Variants in NRXN3 observed in about 807,000 individuals in gnomAD.
NRXN3 encodes neurexin III.
In NRXN3, 32 loss-of-function variants were observed where a neutral mutation model predicts 137.6. The ratio of observed to expected loss-of-function variants is 0.23; its 90% CI spans 0.18 to 0.31. NRXN3 has a LOEUF of 0.31. Among genes scored for constraint, NRXN3 ranks in the 10% least tolerant of loss-of-function variants. The pLI, the probability that NRXN3 is intolerant of heterozygous loss-of-function variation, is 1.00. For missense variants in NRXN3, 1,574 were observed against 2,062.5 expected (o/e 0.76, Z 4.59); for synonymous variants, 798 against 784.5 (o/e 1.02, Z -0.29).
intron 15 of NRXN3, chr14:79,280,207 A>G (rs2081041915): frequency 6.4e-7 from 1 of 1,568,180 alleles, no homozygotes; most frequent in Non-Finnish European, 8.6e-7. Flanking sequence ...TCCTGCTATG[A>G]TGGGCCCTTG....
chr14:78,883,542 T>C (rs534394525), intron 10 of NRXN3, among the ~76,000 whole-genome samples: 61 of 152,330 alleles, frequency 4.0e-4, no homozygotes, highest in African/African-American at 1.4e-3. Flanking sequence ...AGACTGTGTG[T>C]CAGATTACTT....
intron 15 of NRXN3, among the ~76,000 whole-genome samples, chr14:79,243,993 C>G (rs1183855834): frequency 6.6e-6 from 1 of 152,126 alleles, no homozygotes; most frequent in Non-Finnish European, 1.5e-5. Context: ...GGAACATCAC[C>G]AAACAAAGCT....
At chr14:79,369,036 C>G (rs184391449) in intron 15 of NRXN3, among the ~76,000 whole-genome samples, 12 of 152,212 alleles carry the variant, frequency 7.9e-5, no homozygotes, top group African/African-American at 2.9e-4. Flanking sequence ...GTTGGAAAAT[C>G]AATCGTGTGG....
intron 16 of NRXN3, among the ~76,000 whole-genome samples, chr14:79,539,098 C>T (rs1238682449): frequency 6.6e-6 from 1 of 152,166 alleles, no homozygotes; most frequent in Non-Finnish European, 1.5e-5. Flanking sequence ...CTTGCTCTGT[C>T]ACCCAGCCTG....
At chr14:78,672,262 C>A (rs1043374776) in intron 6 of NRXN3, among the ~76,000 whole-genome samples, 5 of 152,150 alleles carry the variant, frequency 3.3e-5, no homozygotes, top group Admixed American at 6.5e-5. Context: ...AGAACTCAAC[C>A]AAATTACTCT....
At chr14:78,824,945 A>G (rs1230445002) in intron 10 of NRXN3, among the ~76,000 whole-genome samples, 1 of 152,150 alleles carries the variant, frequency 6.6e-6, no homozygotes, top group Admixed American at 6.5e-5. Flanking sequence ...TACACCTACT[A>G]TGTACCCATA....
chr14:79,421,407 G>A (rs1360976326), intron 15 of NRXN3, among the ~76,000 whole-genome samples: 1 of 151,934 alleles, frequency 6.6e-6, no homozygotes, highest in African/African-American at 2.4e-5. Context: ...TTTCCTTTAG[G>A]CTCAGACATT....
At chr14:79,620,110 G>C (rs576539927) in intron 16 of NRXN3, among the ~76,000 whole-genome samples, 24 of 152,030 alleles carry the variant, frequency 1.6e-4, no homozygotes, top group African/African-American at 5.5e-4. Flanking sequence ...AAATAGAAGG[G>C]GATAAACCAA....
chr14:79,115,154 C>T lies in NRXN3; in HGVS notation c.3262+127013C>T, dbSNP rs1489090076. Among the ~76,000 whole-genome samples the T allele has an allele frequency of 3.3e-5, 5 of 151,894 alleles. No individual in the cohort carries two copies. In the South Asian group the frequency reaches 6.2e-4, roughly 19 times the overall value. On this transcript the variant is annotated intron_variant, in intron 15 of 20. Coordinates refer to ENST00000335750, the MANE Select transcript of NRXN3 (RefSeq NM_001330195.2). Reference sequence around the variant, plus strand: ...CAGCCTGACCAACATGGAGAAACCCCGTCTCTACTAAAAATACAAAATTAG... The same window carrying T: ...CAGCCTGACCAACATGGAGAAACCCTGTCTCTACTAAAAATACAAAATTAG...
intron 4 of NRXN3, among the ~76,000 whole-genome samples, chr14:78,340,307 T>C (rs186558921): frequency 2.6e-5 from 4 of 152,298 alleles, no homozygotes; most frequent in African/African-American, 4.8e-5. Context: ...TATGTTTCCT[T>C]TACCAGGTGT....
chr14:79,790,472 A>AT (rs562264768), intron 19 of NRXN3, among the ~76,000 whole-genome samples: 2 of 150,900 alleles, frequency 1.3e-5, no homozygotes, highest in South Asian at 2.1e-4. Flanking sequence ...CTAATGTTTA[A>AT]TTTTTTTTTA....
chr14:79,332,090 G>C (rs1226846611), intron 15 of NRXN3, among the ~76,000 whole-genome samples: 1 of 152,152 alleles, frequency 6.6e-6, no homozygotes, highest in African/African-American at 2.4e-5. Context: ...ACACCACATG[G>C]GTGGGCATGT....
chr14:78,983,265 A>G (rs566914428), intron 14 of NRXN3, among the ~76,000 whole-genome samples: 1 of 152,232 alleles, frequency 6.6e-6, no homozygotes, highest in Non-Finnish European at 1.5e-5. Context: ...AAATAGAATT[A>G]CCATATGATT....
chr14:79,086,404 T>C (rs1270287211), intron 15 of NRXN3, among the ~76,000 whole-genome samples: 3 of 152,178 alleles, frequency 2.0e-5, no homozygotes, highest in Non-Finnish European at 4.4e-5. Flanking sequence ...TTGTAATTTC[T>C]TGAGAGTAGG....
chr14:78,910,579 T>C (rs61994002), intron 10 of NRXN3, among the ~76,000 whole-genome samples: 32,739 of 151,920 alleles, frequency 0.22, 3,839 homozygotes, highest in East Asian at 0.42. Context: ...GCAGCTTGAA[T>C]GTCATTCCTC....
At chr14:78,591,293 A>C (rs2097113996) in intron 4 of NRXN3, among the ~76,000 whole-genome samples, 1 of 152,216 alleles carries the variant, frequency 6.6e-6, no homozygotes, top group Non-Finnish European at 1.5e-5. Context: ...TGTGTTTACC[A>C]TCACCTGGGG....
At chr14:79,215,744 G>A (rs2068395758) in intron 15 of NRXN3, among the ~76,000 whole-genome samples, 1 of 152,072 alleles carries the variant, frequency 6.6e-6, no homozygotes, top group Non-Finnish European at 1.5e-5. Flanking sequence ...GATTTGGGTG[G>A]GGACATAGAC....
chr14:78,858,698 G>T (rs2099064128), intron 10 of NRXN3, among the ~76,000 whole-genome samples: 1 of 152,146 alleles, frequency 6.6e-6, no homozygotes, highest in Non-Finnish European at 1.5e-5. Context: ...TAAGTTCTCA[G>T]TGGACTCAGG....
chr14:79,168,450 G>A (rs2061481282), intron 15 of NRXN3, among the ~76,000 whole-genome samples: 1 of 152,012 alleles, frequency 6.6e-6, no homozygotes, highest in Non-Finnish European at 1.5e-5. Context: ...CTATGAAAGT[G>A]TCTTACATTC....
Sources: allele counts gnomAD v4.1 joint callset (sites outside exome capture counted in the v4.1 genomes callset), GRCh38; gene constraint gnomAD v4.1.1; transcripts MANE v1.5; gene names NCBI Gene and HGNC (gene_info 2026-07-23, HGNC 2026-07-21).